Variants in STK3 observed in about 807,000 individuals in gnomAD.
The protein encoded by STK3 is serine/threonine-protein kinase 3.
In STK3, 41 loss-of-function variants were observed where a neutral mutation model predicts 58.0. That is an observed-to-expected ratio of 0.71 (90% CI 0.55 to 0.92). STK3 has a LOEUF of 0.92. Ranked by LOEUF, STK3 falls within the 40% of genes least tolerant of loss-of-function variation. The probability of loss-of-function intolerance (pLI) is 0.00; values close to 1 mark genes in which losing one functional copy is unlikely to be tolerated. For synonymous variants in STK3, 170 were observed against 191.0 expected, an observed-to-expected ratio of 0.89 and a Z score of 0.91; for missense variants, 479 against 602.7, an observed-to-expected ratio of 0.79 and a Z score of 2.15.
intron 4 of STK3, among the ~76,000 whole-genome samples, chr8:98,719,065 A>G (rs1217345459): frequency 2.0e-5 from 3 of 152,308 alleles, no homozygotes; most frequent in Middle Eastern, 3.4e-3. Context: ...GATGTTCCCA[A>G]TCTTTCTAAG....
At chr8:98,365,676 T>G in the STK3 span, among the ~76,000 whole-genome samples, 1 of 142,994 alleles carries the variant, frequency 7.0e-6, no homozygotes, top group African/African-American at 2.5e-5. Context: ...ATGGTTTCCA[T>G]GTGTCCCAGT....
chr8:98,398,886 C>T (rs1332008863), downstream of STK3, among the ~76,000 whole-genome samples: 1 of 152,166 alleles, frequency 6.6e-6, no homozygotes, highest in African/African-American at 2.4e-5. Context: ...CGTTAAATCC[C>T]GTGAGTTCAT....
In STK3 at chr8:98,470,074, T is replaced by A. The variant is rs532014798; in HGVS notation, c.1318-14074A>T. Among the ~76,000 whole-genome samples, 9 of 152,200 alleles carry A rather than the reference T, an allele frequency of 5.9e-5. No individual in the cohort carries two copies. The South Asian group carries it at 8.3e-4, about 14-fold the overall frequency. On this transcript the variant is annotated intron_variant, in intron 10 of 10. Transcript: ENST00000419617. ...CAGATCCTAGAATTCTCCAAAGCAT[T>A]CTTAGACAAGAACACCGTGAGTGAA... is the stretch of plus-strand genomic sequence containing the variant.
At chr8:98,706,057 G>GA (rs553239922) in intron 6 of STK3, among the ~76,000 whole-genome samples, 1,524 of 139,042 alleles carry the variant, frequency 0.011, 10 homozygotes, top group Non-Finnish European at 0.015. Context: ...AGAAAAGGCA[G>GA]AAAAAAAAAA....
intron 6 of STK3, among the ~76,000 whole-genome samples, chr8:98,637,900 T>C (rs181912861): frequency 1.3e-5 from 2 of 152,282 alleles, no homozygotes; most frequent in East Asian, 3.9e-4. Context: ...AATAGAAATA[T>C]TCATAACTAA....
chr8:98,633,080 C>T (rs975045323), intron 6 of STK3, among the ~76,000 whole-genome samples: 10 of 151,938 alleles, frequency 6.6e-5, no homozygotes, highest in African/African-American at 2.4e-4. Flanking sequence ...GTCATATAAA[C>T]TATAACAGAA....
At chr8:98,928,889 G>A (rs1175549647) in intron 1 of STK3, among the ~76,000 whole-genome samples, 2 of 152,178 alleles carry the variant, frequency 1.3e-5, no homozygotes, top group Non-Finnish European at 2.9e-5. Flanking sequence ...ACAACTGTAT[G>A]GACTACTGGG....
At position 98,800,428 on chromosome 8, in the gene STK3, C is replaced by T. The variant is rs1379091187; in HGVS notation, c.26+25087G>A. 6.6e-6 allele frequency among the ~76,000 whole-genome samples: 1 copy of T among 152,182 alleles called. No homozygotes were observed. The highest frequency in any genetic ancestry group is 6.5e-5 in the Admixed American group (1 of 15,284). ...TAGAGGGGGGATTGAGAGGTAACAA[C>T]GTGCTAGCAGCCCTCACTCACTCTC... On this transcript the variant is annotated intron_variant, in intron 1 of 10. Transcript: ENST00000419617. The surrounding 1 kb of genome is among the most constrained non-coding windows in gnomAD (Gnocchi z 4.8).
At chr8:98,770,705 C>T (rs1341952125) in intron 2 of STK3, among the ~76,000 whole-genome samples, 3 of 152,188 alleles carry the variant, frequency 2.0e-5, no homozygotes, top group African/African-American at 4.8e-5. Context: ...ATACCAGCAT[C>T]GACCAAAGCT....
At chr8:98,803,907 G>C (rs1833749245) in intron 1 of STK3, among the ~76,000 whole-genome samples, 1 of 152,124 alleles carries the variant, frequency 6.6e-6, no homozygotes, top group Non-Finnish European at 1.5e-5. Context: ...TAGTGGGAAA[G>C]ATAGATGAAT....
chr8:98,417,532 T>TAAATAAAC (rs1554587786), intron 3 of STK3, among the ~76,000 whole-genome samples: 2,527 of 151,404 alleles, frequency 0.017, 63 homozygotes, highest in African/African-American at 0.058. Context: ...AATAAATAAA[T>TAAATAAAC]AAACAAACAA....
At chr8:98,588,495 A>T (rs201987800) in intron 7 of STK3, among the ~76,000 whole-genome samples, 14 of 151,416 alleles carry the variant, frequency 9.2e-5, no homozygotes, top group African/African-American at 3.4e-4. Flanking sequence ...CTTCCCTTTG[A>T]GGGTAACCCG....
intron 1 of STK3, among the ~76,000 whole-genome samples, chr8:98,931,548 A>G (rs1384511241): frequency 6.6e-6 from 1 of 152,238 alleles, no homozygotes; most frequent in Non-Finnish European, 1.5e-5. Context: ...TGCTGTGGTC[A>G]GTGGTAAACC....
At chr8:98,458,114 TACACACACAC>T (rs34309401) in intron 10 of STK3, among the ~76,000 whole-genome samples, 4 of 150,290 alleles carry the variant, frequency 2.7e-5, no homozygotes, top group African/African-American at 7.3e-5. Flanking sequence ...CACACACATA[TACACACACAC>T]ACACACACAC....
At chr8:98,361,743 C>A in the STK3 span, among the ~76,000 whole-genome samples, 3 of 152,068 alleles carry the variant, frequency 2.0e-5, no homozygotes, top group Admixed American at 6.6e-5. Context: ...ATGTTTTCAC[C>A]CCAGGCACAC....
At chr8:98,647,912 C>T (rs1411685020) in intron 6 of STK3, among the ~76,000 whole-genome samples, 1 of 152,166 alleles carries the variant, frequency 6.6e-6, no homozygotes, top group Non-Finnish European at 1.5e-5. Flanking sequence ...TTAATGTGTC[C>T]CATAAATCCT....
intron 8 of STK3, among the ~76,000 whole-genome samples, chr8:98,553,179 T>C (rs931349597): frequency 6.6e-6 from 1 of 151,828 alleles, no homozygotes; most frequent in Non-Finnish European, 1.5e-5. Context: ...GTGGAGTGTT[T>C]TACAACTTTT....
chr8:98,681,359 G>A (rs1823635129), intron 6 of STK3, among the ~76,000 whole-genome samples: 1 of 151,940 alleles, frequency 6.6e-6, no homozygotes, highest in South Asian at 2.1e-4. Flanking sequence ...GATACAATAA[G>A]AGTTGACATA....
At chr8:98,893,538 A>G (rs1054644964) in intron 1 of STK3, among the ~76,000 whole-genome samples, 16 of 139,848 alleles carry the variant, frequency 1.1e-4, no homozygotes, top group African/African-American at 3.0e-4. Flanking sequence ...GAAAGAAAGA[A>G]AAAGAAAGAG....
Sources: gnomAD v4.1 joint callset for allele counts (sites outside exome capture counted in the v4.1 genomes callset) on GRCh38, gnomAD v4.1.1 for gene constraint, Gnocchi (gnomAD v3.1) non-coding constraint, MANE v1.5 for transcripts, NCBI Gene and HGNC (gene_info 2026-07-23, HGNC 2026-07-21) for gene names.